The following SESTD1 variants were observed in gnomAD, a reference collection of about 807,000 sequenced individuals.
The protein encoded by SESTD1 is SEC14 domain and spectrin repeat-containing protein 1.
A neutral mutation model predicts 101.7 loss-of-function variants in SESTD1; 43 were observed. The ratio of observed to expected loss-of-function variants is 0.42; its 90% confidence interval spans 0.33 to 0.55. The LOEUF (loss-of-function observed/expected upper bound fraction) is 0.55, where lower values mean the gene tolerates loss of function less well. Ranked by LOEUF, SESTD1 falls within the 20% of genes least tolerant of loss-of-function variation. The pLI, the probability that SESTD1 is intolerant of heterozygous loss-of-function variation, is 0.07. For synonymous variants in SESTD1, 283 were observed against 286.8 expected (o/e 0.99, Z 0.13); for missense variants, 647 against 815.1 (o/e 0.79, Z 2.51).
At chr2:179,196,350 C>A (rs1382720091) in intron 1 of SESTD1, among the ~76,000 whole-genome samples, 2 of 152,232 alleles carry the variant, frequency 1.3e-5, no homozygotes, top group Non-Finnish European at 2.9e-5. Flanking sequence ...AGTCTGAGAT[C>A]AAACTGCAAG....
At position 179,264,807 on chromosome 2, in the gene SESTD1, A is replaced by C. The variant is rs1300491636; in HGVS notation, c.-334T>G. The C allele has an allele frequency of 6.7e-6, 1 of 149,722 alleles. No individual in the cohort carries two copies. Among genetic ancestry groups the C allele is most frequent in the Non-Finnish European group, 1.5e-5 (1 of 67,212 alleles). The allele number at this position is 149,722 out of a possible 1,614,324, so 9.3% of individuals were successfully genotyped here. On this transcript the variant is annotated 5_prime_UTR_variant, in exon 1 of 18. Transcript: ENST00000428443. ...GCGCCCGGGTGACGGCGGTACAGCA[A>C]CCCGCCCGGCGCGGGAAGGAGGAAG...
intron 14 of SESTD1, 141 bp downstream of exon 14, chr2:179,117,391 C>A (rs13032757): frequency 1.6e-6 from 1 of 628,346 alleles, no homozygotes; most frequent in Non-Finnish European, 2.5e-6. Context: ...AAAGTGTATT[C>A]TTCAACAAGA....
chr2:179,110,990 AAC>A (rs1421609062), intron 17 of SESTD1, among the ~76,000 whole-genome samples: 10 of 152,224 alleles, frequency 6.6e-5, no homozygotes, highest in Admixed American at 5.9e-4. Flanking sequence ...CTATCTGTGA[AAC>A]ACAGACGAGA....
In SESTD1 at chr2:179,104,122, A is replaced by G. The variant is rs1559088969; in HGVS notation, c.*5777T>C. The G allele has an allele frequency of 6.6e-6, 1 of 152,112 alleles. No individual in the cohort carries two copies. The highest frequency in any genetic ancestry group is 1.5e-5 in the Non-Finnish European group (1 of 67,998). The allele number at this position is 152,112 out of a possible 1,614,324, so 9.4% of individuals were successfully genotyped here. On this transcript the variant is annotated 3_prime_UTR_variant, in exon 18 of 18. Transcript: ENST00000428443. ...ACCAAATAGTTTTGCTGAGAATTTC[A>G]TTACTGATTTTATGACAGTAAGATC... is the stretch of plus-strand genomic sequence containing the variant.
In SESTD1 at chr2:179,105,172, GTTC is replaced by G. The variant is rs2044353192; in HGVS notation, c.*4724_*4726del. The G allele has an allele frequency of 8.0e-6, 1 of 125,208 alleles. No individual in the cohort carries two copies. The highest frequency in any genetic ancestry group is 7.6e-5 in the Admixed American group (1 of 13,114). The allele number at this position is 125,208 out of a possible 1,614,324, so 7.8% of individuals were successfully genotyped here. A position where few individuals can be genotyped will look rare whatever the true frequency, so the allele number is the denominator to read the frequency against. On this transcript the variant is annotated 3_prime_UTR_variant, in exon 18 of 18. Coordinates refer to ENST00000428443, the MANE Select transcript of SESTD1 (RefSeq NM_178123.5). The stretch of plus-strand genomic sequence containing the variant: ...ACTAATTGTGGTCTTTTCATGCTTT[GTTC>G]TGTTTTTTTTTTTTTTTTAACCTCA...
At chr2:179,130,256 C>T (rs1290527178) in intron 10 of SESTD1, among the ~76,000 whole-genome samples, 2 of 152,046 alleles carry the variant, frequency 1.3e-5, no homozygotes, top group Non-Finnish European at 1.5e-5. Flanking sequence ...TCCAACTATT[C>T]ACTGATCAAA....
intron 1 of SESTD1, 98 bp from the exon 2 acceptor site, chr2:179,191,964 A>G (rs553174869): frequency 3.9e-5 from 31 of 795,388 alleles, no homozygotes; most frequent in Admixed American, 2.8e-4. Flanking sequence ...AAACCTGAGA[A>G]CTACTGACAT....
intron 7 of SESTD1, among the ~76,000 whole-genome samples, chr2:179,149,059 C>CAA (rs66636048): frequency 0.014 from 860 of 60,442 alleles, 45 homozygotes; most frequent in Admixed American, 0.039. Context: ...GACTCCGTCT[C>CAA]AAAAAAAAAA....
At chr2:179,190,870 A>G (rs1216329808) in intron 2 of SESTD1, among the ~76,000 whole-genome samples, 7 of 152,208 alleles carry the variant, frequency 4.6e-5, no homozygotes, top group Admixed American at 3.9e-4. Flanking sequence ...AGTCAAAAAA[A>G]TAACAGATGC....
At chr2:179,167,995 C>A (rs1005899131) in intron 5 of SESTD1, among the ~76,000 whole-genome samples, 1 of 152,108 alleles carries the variant, frequency 6.6e-6, no homozygotes, top group South Asian at 2.1e-4. Flanking sequence ...ACTCCTGACC[C>A]TCAGGTGATC....
intron 1 of SESTD1, among the ~76,000 whole-genome samples, chr2:179,224,555 T>C (rs2046856684): frequency 6.6e-6 from 1 of 152,300 alleles, no homozygotes; most frequent in Non-Finnish European, 1.5e-5. Context: ...CTGAAGGCTC[T>C]TTTGAAGGAT....
intron 7 of SESTD1, among the ~76,000 whole-genome samples, chr2:179,147,620 A>G (rs1242369141): frequency 1.3e-5 from 2 of 152,280 alleles, no homozygotes; most frequent in South Asian, 2.1e-4. Flanking sequence ...TTGTCCTCCT[A>G]AAGTGCTGGG....
intron 9 of SESTD1, among the ~76,000 whole-genome samples, chr2:179,137,544 A>G (rs551153178): frequency 6.6e-6 from 1 of 152,358 alleles, no homozygotes; most frequent in Admixed American, 6.5e-5. Flanking sequence ...TTACTGCCAC[A>G]ATAAATAATG....
chr2:179,109,166 C>T lies in SESTD1; in HGVS notation c.*733G>A, dbSNP rs1180983741. 1 of 152,380 alleles carries T rather than the reference C, an allele frequency of 6.6e-6. No homozygotes were observed. Among genetic ancestry groups the T allele is most frequent in the Non-Finnish European group, 1.5e-5 (1 of 67,972 alleles). The allele number at this position is 152,380 out of a possible 1,614,324, so 9.4% of individuals were successfully genotyped here. A position where few individuals can be genotyped will look rare whatever the true frequency, so the allele number is the denominator to read the frequency against. On this transcript the variant is annotated 3_prime_UTR_variant, in exon 18 of 18. Coordinates refer to ENST00000428443, the MANE Select transcript of SESTD1 (RefSeq NM_178123.5). ...CATGCTTATTTATTATATACACATG[C>T]TTACATATGTATTTCCTGTCTAAAA... is the stretch of plus-strand genomic sequence containing the variant.
chr2:179,149,746 A>G (rs577508934), intron 6 of SESTD1, among the ~76,000 whole-genome samples: 2 of 152,338 alleles, frequency 1.3e-5, no homozygotes, highest in Admixed American at 6.5e-5. Flanking sequence ...CAGTTACAGA[A>G]CACTTCTTTA....
intron 5 of SESTD1, among the ~76,000 whole-genome samples, chr2:179,166,513 G>A (rs770804097): frequency 4.6e-5 from 7 of 152,106 alleles, no homozygotes; most frequent in Non-Finnish European, 8.8e-5. Flanking sequence ...TTATAAACCC[G>A]AACTATCATA....
In SESTD1 at chr2:179,115,203, T is replaced by C. The variant is rs2289993; in HGVS notation, c.1701A>G (p.Gln567=). The C allele has an allele frequency of 0.16, 262,296 of 1,612,988 alleles. 23,212 individuals carry two copies. Among genetic ancestry groups the C allele is most frequent in the South Asian group, 0.29 (26,521 of 90,910 alleles). ...ATGACCGAGAAGTGCAGCGCAAAGA[T>C]TGGCATAACACAACTGTGGCCTGTA... is the stretch of plus-strand genomic sequence containing the variant. The part of the protein sequence containing the change: ...QLLQATVVLC[Q]SLRCTSRSSG... Residue 567 remains glutamine, a synonymous_variant, in exon 16 of 18, where the codon CAA becomes CAG. Coordinates refer to ENST00000428443, the MANE Select transcript of SESTD1 (RefSeq NM_178123.5).
chr2:179,262,811 T>C (rs2047501869), intron 1 of SESTD1, among the ~76,000 whole-genome samples: 1 of 152,218 alleles, frequency 6.6e-6, no homozygotes, highest in Admixed American at 6.5e-5. Flanking sequence ...ATTAGTAGAT[T>C]ACCTGTTTAA....
At chr2:179,144,101 T>C (rs2105442095) in intron 8 of SESTD1, among the ~76,000 whole-genome samples, 1 of 150,536 alleles carries the variant, frequency 6.6e-6, no homozygotes, top group South Asian at 2.2e-4. Flanking sequence ...ATATTAAATA[T>C]GGCATACATA....
Sources: gnomAD v4.1 joint callset for allele counts (sites outside exome capture counted in the v4.1 genomes callset) on GRCh38, gnomAD v4.1.1 for gene constraint, MANE v1.5 for transcripts, NCBI Gene and HGNC (gene_info 2026-07-23, HGNC 2026-07-21) for gene names.